Variants in PRKG1 observed in about 807,000 individuals in gnomAD.
The protein encoded by PRKG1 is protein kinase cGMP-dependent 1.
In PRKG1, 35 loss-of-function variants were observed where a neutral mutation model predicts 88.1. That is an observed-to-expected ratio of 0.40 (90% CI 0.30 to 0.53). PRKG1 has a LOEUF of 0.53. Ranked by LOEUF, PRKG1 falls within the 20% of genes least tolerant of loss-of-function variation. PRKG1 has a pLI of 0.59. For missense variants in PRKG1, 540 were observed against 839.8 expected, an observed-to-expected ratio of 0.64 and a Z score of 4.41; for synonymous variants, 303 against 292.5, an observed-to-expected ratio of 1.04 and a Z score of -0.37.
At chr10:51,183,446 G>T (rs1299782519) in intron 2 of PRKG1, among the ~76,000 whole-genome samples, 2 of 152,160 alleles carry the variant, frequency 1.3e-5, no homozygotes, top group Non-Finnish European at 2.9e-5. Context: ...TTGATGCTAG[G>T]CAAGAGTTTT....
chr10:51,240,048 C>A (rs754293467), intron 2 of PRKG1, among the ~76,000 whole-genome samples: 3 of 152,192 alleles, frequency 2.0e-5, no homozygotes, highest in South Asian at 2.1e-4. Flanking sequence ...GCTTTCTCAT[C>A]TGAGCAGGTA....
intron 9 of PRKG1, among the ~76,000 whole-genome samples, chr10:52,205,637 C>A (rs1167761523): frequency 6.6e-6 from 1 of 152,128 alleles, no homozygotes; most frequent in African/African-American, 2.4e-5. Context: ...ATCTGCTAGT[C>A]TGAAAAGGAT....
intron 5 of PRKG1, chr10:51,909,584 A>G (rs1842170403): frequency 6.6e-6 from 1 of 151,916 alleles, no homozygotes; most frequent in Admixed American, 6.5e-5. Flanking sequence ...GTATCAGAAA[A>G]GGGAAGGGAG....
At chr10:51,889,645 A>G (rs1841666336) in intron 4 of PRKG1, among the ~76,000 whole-genome samples, 1 of 152,174 alleles carries the variant, frequency 6.6e-6, no homozygotes, top group South Asian at 2.1e-4. Flanking sequence ...TCTCTTCCAC[A>G]ATGGTTGAAC....
chr10:51,683,210 G>A (rs1840894239), intron 3 of PRKG1, among the ~76,000 whole-genome samples: 2 of 152,058 alleles, frequency 1.3e-5, no homozygotes, highest in Admixed American at 6.6e-5. Flanking sequence ...ATGAGGCCAG[G>A]CACGGTGGCT....
At chr10:51,493,712 A>G (rs1044025476) in intron 3 of PRKG1, among the ~76,000 whole-genome samples, 2 of 152,160 alleles carry the variant, frequency 1.3e-5, no homozygotes, top group South Asian at 2.1e-4. Context: ...ACACGATTCA[A>G]AATTGGAGCT....
intron 1 of PRKG1, among the ~76,000 whole-genome samples, chr10:51,066,586 T>C (rs1415409123): frequency 1.3e-5 from 2 of 152,158 alleles, no homozygotes; most frequent in Admixed American, 1.3e-4. Flanking sequence ...TTAAATGCCA[T>C]GAATACTCAG....
chr10:51,693,187 A>C (rs1406283771), intron 3 of PRKG1, among the ~76,000 whole-genome samples: 1 of 149,678 alleles, frequency 6.7e-6, no homozygotes, highest in Non-Finnish European at 1.5e-5. Context: ...ACTTGAGAGG[A>C]TGAGGCAGGG....
intron 4 of PRKG1, among the ~76,000 whole-genome samples, chr10:51,823,834 G>A (rs1276608480): frequency 7.1e-6 from 1 of 141,334 alleles, no homozygotes; most frequent in Non-Finnish European, 1.5e-5. Flanking sequence ...TAAATTGTTG[G>A]TAATATTATC....
chr10:52,002,652 C>G (rs1589505235), intron 5 of PRKG1, among the ~76,000 whole-genome samples: 1 of 152,086 alleles, frequency 6.6e-6, no homozygotes, highest in Admixed American at 6.6e-5. Flanking sequence ...CTTTTCTTTT[C>G]TTTGGGTTTC....
intron 2 of PRKG1, among the ~76,000 whole-genome samples, chr10:51,180,469 G>A (rs970254496): frequency 1.3e-5 from 2 of 152,142 alleles, no homozygotes; most frequent in African/African-American, 4.8e-5. Flanking sequence ...AAGACAGCTG[G>A]TGTAGAAGAT....
At chr10:52,027,971 T>C (rs940805403) in intron 5 of PRKG1, among the ~76,000 whole-genome samples, 4 of 152,102 alleles carry the variant, frequency 2.6e-5, no homozygotes, top group African/African-American at 7.2e-5. Context: ...GTATTTTCAG[T>C]AGACGTGGGG....
chr10:51,804,224 A>G (rs1303777649), intron 3 of PRKG1, among the ~76,000 whole-genome samples: 1 of 152,052 alleles, frequency 6.6e-6, no homozygotes, highest in Non-Finnish European at 1.5e-5. Context: ...AGGGTTTATT[A>G]TTACTTGTGA....
intron 1 of PRKG1, among the ~76,000 whole-genome samples, chr10:51,043,710 T>TC (rs1266154049): frequency 2.0e-5 from 3 of 152,260 alleles, no homozygotes; most frequent in African/African-American, 4.8e-5. Context: ...TGCTTTTTTT[T>TC]CTCACTGTTT....
At chr10:52,179,049 A>AT (rs922933000) in intron 9 of PRKG1, among the ~76,000 whole-genome samples, 1 of 146,280 alleles carries the variant, frequency 6.8e-6, no homozygotes, top group African/African-American at 2.5e-5. Flanking sequence ...CATTTGATTC[A>AT]TTTTTTTCTT....
intron 9 of PRKG1, among the ~76,000 whole-genome samples, chr10:52,237,663 T>G: frequency 8.2e-6 from 1 of 122,326 alleles, no homozygotes; most frequent in East Asian, 2.3e-4. Flanking sequence ...CTCAAGGAAA[T>G]AAAAGAGGAT....
chr10:52,293,183 A>G (rs1205934834), intron 17 of PRKG1, among the ~76,000 whole-genome samples: 1 of 150,914 alleles, frequency 6.6e-6, no homozygotes, highest in Non-Finnish European at 1.5e-5. Context: ...AGAATAAAAT[A>G]CCTAGGAATC....
In PRKG1 at chr10:52,233,793, G is replaced by A. The variant is rs1408818657; in HGVS notation, c.1077-17777G>A. ...GGTAAACAAAGCAGCCGGGAAGCTCGAACTGGGTGGAGCCCACCACAGCTC... is the reference window on the plus strand; with the variant it reads ...GGTAAACAAAGCAGCCGGGAAGCTCAAACTGGGTGGAGCCCACCACAGCTC... On this transcript the variant is annotated intron_variant, in intron 9 of 17. Transcript: ENST00000373980. Among the ~76,000 whole-genome samples, 270 of 151,872 alleles carry A rather than the reference G, an allele frequency of 1.8e-3. 2 individuals carry two copies. The highest frequency in any genetic ancestry group is 6.2e-3 in the African/African-American group (257 of 41,452).
intron 17 of PRKG1, among the ~76,000 whole-genome samples, chr10:52,292,872 A>G (rs913504936): frequency 6.6e-6 from 1 of 152,010 alleles, no homozygotes; most frequent in East Asian, 1.9e-4. Context: ...GCCCTCTCTC[A>G]CCACTCCTAT....
Sources: allele counts gnomAD v4.1 joint callset (sites outside exome capture counted in the v4.1 genomes callset), GRCh38; gene constraint gnomAD v4.1.1; transcripts MANE v1.5; gene names NCBI Gene and HGNC (gene_info 2026-07-23, HGNC 2026-07-21).